The following RRP1 variants were observed in gnomAD, a reference collection of about 807,000 sequenced individuals.
RRP1 encodes the protein ribosomal RNA processing protein 1 homolog A.
RRP1 carries 37 observed loss-of-function variants against 54.6 expected under a neutral mutation model. That is an observed-to-expected ratio of 0.68 (90% CI 0.52 to 0.89). The LOEUF is 0.89. Ranked by LOEUF, RRP1 falls within the 40% of genes least tolerant of loss-of-function variation. RRP1 has a pLI of 0.00. For missense variants in RRP1, 639 were observed against 612.5 expected, an observed-to-expected ratio of 1.04 and a Z score of -0.46; for synonymous variants, 262 against 244.3, an observed-to-expected ratio of 1.07 and a Z score of -0.67.
intron 5 of RRP1, 63 bp downstream of exon 5, chr21:43,795,313 C>T (rs1362623636): frequency 6.0e-6 from 9 of 1,501,276 alleles, no homozygotes; most frequent in Non-Finnish European, 7.4e-6. Flanking sequence ...TCGTGTTTGT[C>T]ATTTGATTCT....
intron 11 of RRP1, 171 bp from the exon 12 acceptor site, chr21:43,802,103 C>A: frequency 1.7e-6 from 1 of 588,372 alleles, no homozygotes; most frequent in Non-Finnish European, 3.0e-6. Flanking sequence ...TCAGCTGGTT[C>A]GTTTCAGCTG....
chr21:43,789,908 C>T, intron 1 of RRP1, 146 bp downstream of exon 1: 1 of 1,004,508 alleles, frequency 1.0e-6, no homozygotes, highest in Non-Finnish European at 1.3e-6. Flanking sequence ...CTGGCCTGTT[C>T]CCGCTGTTAC....
rs73906617 is a variant in RRP1 at position 43,799,469 on chromosome 21, T to C, written c.812-101T>C. Reference sequence around the variant, plus strand: ...CCCGGGTGTTTCCCGCCTGTGCCCGTGCTCCGACCAGGGTGCACGGAGCGG... The same window carrying C: ...CCCGGGTGTTTCCCGCCTGTGCCCGCGCTCCGACCAGGGTGCACGGAGCGG... On this transcript the variant is annotated intron_variant, in intron 8 of 12. Coordinates refer to ENST00000497547, the MANE Select transcript of RRP1 (RefSeq NM_003683.6). The C allele has an allele frequency of 2.2e-3, 2,749 of 1,249,924 alleles. 69 individuals carry two copies. The African/African-American group carries it at 0.036, about 17-fold the overall frequency. The allele number at this position is 1,249,924 out of a possible 1,614,324, so 77.4% of individuals were successfully genotyped here. A position where few individuals can be genotyped will look rare whatever the true frequency, so the allele number is the denominator to read the frequency against.
At chr21:43,802,029 C>T (rs549183336) in intron 11 of RRP1, among the ~76,000 whole-genome samples, 7 of 152,258 alleles carry the variant, frequency 4.6e-5, no homozygotes, top group African/African-American at 1.7e-4. Context: ...GGGTCGTGGA[C>T]GCTCTATGCT....
intron 1 of RRP1, chr21:43,790,937 T>A (rs58194014): frequency 0.018 from 7,937 of 448,502 alleles, 486 homozygotes; most frequent in African/African-American, 0.14. Context: ...GAGTTCACTT[T>A]CTTCTTTTAG....
chr21:43,794,365 G>A (rs3819599), intron 4 of RRP1, among the ~76,000 whole-genome samples: 34,773 of 152,096 alleles, frequency 0.23, 4,238 homozygotes, highest in East Asian at 0.47. Flanking sequence ...GGATGGATGC[G>A]TTCTGCTGCT....
intron 4 of RRP1, among the ~76,000 whole-genome samples, chr21:43,794,319 C>T (rs973435964): frequency 1.3e-5 from 2 of 152,168 alleles, no homozygotes; most frequent in Non-Finnish European, 2.9e-5. Flanking sequence ...GGGAGGCCAC[C>T]CTACTGTTTT....
In RRP1 at chr21:43,793,179, C is replaced by G. The variant is rs1201870975; in HGVS notation, c.275-140C>G. ...GTCCAGATCCTGGTCCAGCAAGATCCAGTTCTGGGGGTAGGGCCTGGGCAT... is the reference window on the plus strand; with the variant it reads ...GTCCAGATCCTGGTCCAGCAAGATCGAGTTCTGGGGGTAGGGCCTGGGCAT... On this transcript the variant is annotated intron_variant, in intron 3 of 12. Transcript: ENST00000497547. 4.1e-6 allele frequency: 3 copies of G among 726,360 alleles called. No homozygotes were observed. In the East Asian group the frequency reaches 7.6e-5, roughly 18 times the overall value. 45.0% of individuals were successfully genotyped at this position (726,360 alleles called of 1,614,324 possible).
chr21:43,800,912 C>T (rs2085083201), intron 11 of RRP1, 31 bp downstream of exon 11: 2 of 1,612,872 alleles, frequency 1.2e-6, no homozygotes, highest in South Asian at 2.2e-5. Context: ...GACAGTGGCA[C>T]CACCTTGGAG....
chr21:43,793,508 G>A, intron 4 of RRP1, 104 bp downstream of exon 4: 1 of 938,172 alleles, frequency 1.1e-6, no homozygotes, highest in East Asian at 2.5e-5. Context: ...CTGAGGCAGT[G>A]CGACCCTGAA....
chr21:43,792,566 C>T (rs1029772012), intron 2 of RRP1, 106 bp from the exon 3 acceptor site: 22 of 1,126,308 alleles, frequency 2.0e-5, no homozygotes, highest in Non-Finnish European at 2.7e-5. Flanking sequence ...AGCCGACTCT[C>T]TGTGATGAGT....
chr21:43,799,519 GC>G, intron 8 of RRP1, 50 bp from the exon 9 acceptor site: 5 of 1,560,870 alleles, frequency 3.2e-6, no homozygotes, highest in Non-Finnish European at 4.4e-6. Context: ...GATGTTTGGG[GC>G]CAGCACACGT....
chr21:43,798,292 C>T (rs1325617168), intron 8 of RRP1, among the ~76,000 whole-genome samples, 192 bp downstream of exon 8: 1 of 152,114 alleles, frequency 6.6e-6, no homozygotes, highest in Admixed American at 6.5e-5. Flanking sequence ...CCCTCATCCC[C>T]CAGCCTCTGA....
intron 11 of RRP1, 102 bp from the exon 12 acceptor site, chr21:43,802,172 T>C: frequency 2.5e-6 from 2 of 784,356 alleles, no homozygotes; most frequent in Non-Finnish European, 4.3e-6. Flanking sequence ...CTCACACACA[T>C]TGTCAGGAGG....
Position 43,793,743 on chromosome 21 carries a change from C to T in RRP1, c.360+339C>T, listed in dbSNP as rs563291211. ...AGGCAGAGTGAGTCTGGAGGCGCAG[C>T]AGAGGAGCTGCGGTCACGCCCTAGC... On this transcript the variant is annotated intron_variant, in intron 4 of 12. Coordinates refer to ENST00000497547, the MANE Select transcript of RRP1 (RefSeq NM_003683.6). Among the ~76,000 whole-genome samples, 9 of 152,374 alleles carry T rather than the reference C, an allele frequency of 5.9e-5. No individual in the cohort carries two copies. In the South Asian group the frequency reaches 1.7e-3, roughly 28 times the overall value.
chr21:43,803,767 G>T lies in RRP1; in HGVS notation c.1379G>T (p.Arg460Met). Residue 460 changes from arginine (R) to methionine (M), a missense_variant, in exon 13 of 13, where the codon AGG becomes ATG. By Grantham distance (91) the Arg-to-Met change is moderately conservative. Coordinates refer to ENST00000497547, the MANE Select transcript of RRP1 (RefSeq NM_003683.6). Reference sequence around the variant, plus strand: ...GAGCCGGAGAAGAAGAAGAAACGCAGGGAGTGATGTGGCCGGGCCAAGGAC... The same window carrying T: ...GAGCCGGAGAAGAAGAAGAAACGCATGGAGTGATGTGGCCGGGCCAAGGAC... ...VQEPEKKKKR[R>M]E The T allele has an allele frequency of 6.3e-7, 1 of 1,581,828 alleles. No individual in the cohort carries two copies. The highest frequency in any genetic ancestry group is 2.3e-5 in the East Asian group (1 of 43,996).
At chr21:43,798,352 C>T (rs1417464050) in intron 8 of RRP1, among the ~76,000 whole-genome samples, 1 of 152,172 alleles carries the variant, frequency 6.6e-6, no homozygotes, top group Admixed American at 6.5e-5. Flanking sequence ...CTAACGCATG[C>T]CTCTGGCTCA....
chr21:43,795,230 G>C lies in RRP1; in HGVS notation c.402G>C (p.Lys134Asn). The C allele has an allele frequency of 6.2e-7, 1 of 1,614,128 alleles. No homozygotes were observed. The highest frequency in any genetic ancestry group is 1.3e-5 in the African/African-American group (1 of 75,012). The change falls in exon 5 of 13, where the codon AAG becomes AAC. Residue 134 changes from lysine to asparagine, a missense_variant. Lys to Asn is a moderately conservative substitution (Grantham distance 94, BLOSUM62 0). Transcript: ENST00000497547. ...TGAACGAGTCCTTGAAGGTTCTGAA[G>C]ATGCAAGGCTGGGAAGAAAGGTGGG... The part of the protein sequence containing the change: ...MVLNESLKVL[K>N]MQGWEERQIE...
In RRP1 at chr21:43,789,619, C is replaced by T; in HGVS notation, c.-11C>T. 2 of 1,585,916 alleles carry T rather than the reference C, an allele frequency of 1.3e-6. No homozygotes were observed. The highest frequency in any genetic ancestry group is 1.4e-5 in the African/African-American group (1 of 72,974). On this transcript the variant is annotated 5_prime_UTR_variant, in exon 1 of 13. Transcript: ENST00000497547. The stretch of plus-strand genomic sequence containing the variant: ...GCGACTCCGGGACAGGGGGTCTCGG[C>T]CGTCGGCGTCATGGTTTCGCGCGTG...
Sources: allele counts gnomAD v4.1 joint callset (sites outside exome capture counted in the v4.1 genomes callset), GRCh38; gene constraint gnomAD v4.1.1; transcripts MANE v1.5; gene names NCBI Gene and HGNC (gene_info 2026-07-23, HGNC 2026-07-21).